DCDC1: variants seen among roughly 807,000 people sequenced by gnomAD.
DCDC1 encodes doublecortin domain-containing protein 1.
DCDC1 carries 200 observed loss-of-function variants against 178.3 expected under a neutral mutation model. The observed-to-expected ratio is 1.12, with a 90% CI of 1.00 to 1.26. The LOEUF is 1.26. Among genes scored for constraint, DCDC1 ranks in the 50% most tolerant of loss-of-function variants. The pLI, the probability that DCDC1 is intolerant of heterozygous loss-of-function variation, is 0.00. For missense variants in DCDC1, 1,983 were observed against 1,749.2 expected (o/e 1.13, Z -2.38); for synonymous variants, 690 against 604.8 (o/e 1.14, Z -2.07).
intron 9 of DCDC1, among the ~76,000 whole-genome samples, chr11:31,147,471 G>T (rs766444798): frequency 3.3e-5 from 5 of 152,108 alleles, no homozygotes; most frequent in African/African-American, 4.8e-5. Flanking sequence ...GATGCCTGGG[G>T]GCTAGTTTTG....
chr11:30,973,247 C>G (rs893118130), intron 20 of DCDC1, among the ~76,000 whole-genome samples: 1 of 141,466 alleles, frequency 7.1e-6, no homozygotes. Flanking sequence ...GCACTCCAAC[C>G]TGGGTGACAG....
chr11:30,876,802 C>T (rs560601660), intron 38 of DCDC1, among the ~76,000 whole-genome samples: 94 of 151,842 alleles, frequency 6.2e-4, no homozygotes, highest in Non-Finnish European at 1.2e-3. Context: ...GGAATGAAAA[C>T]AAAAAATTGT....
intron 9 of DCDC1, among the ~76,000 whole-genome samples, chr11:31,143,634 T>C (rs1332235589): frequency 6.6e-6 from 1 of 152,236 alleles, no homozygotes; most frequent in Admixed American, 6.5e-5. Flanking sequence ...TTACATTCCC[T>C]CAAGCTATAC....
chr11:30,893,242 C>G (rs1943934912), intron 35 of DCDC1, among the ~76,000 whole-genome samples: 1 of 152,120 alleles, frequency 6.6e-6, no homozygotes, highest in Non-Finnish European at 1.5e-5. Flanking sequence ...CTCATTTTGG[C>G]AAAGCACTTA....
At chr11:31,164,198 G>T (rs1591277687) in intron 9 of DCDC1, among the ~76,000 whole-genome samples, 2 of 152,010 alleles carry the variant, frequency 1.3e-5, no homozygotes, top group East Asian at 3.9e-4. Flanking sequence ...ACAGCATTTT[G>T]ATCAACAGAA....
intron 9 of DCDC1, among the ~76,000 whole-genome samples, chr11:31,214,630 G>T (rs974351738): frequency 3.9e-5 from 6 of 152,046 alleles, no homozygotes; most frequent in Admixed American, 3.9e-4. Context: ...AAAATAATAG[G>T]AAGTGACAGG....
intron 20 of DCDC1, among the ~76,000 whole-genome samples, chr11:30,998,909 G>A (rs1218537520): frequency 6.6e-6 from 1 of 152,052 alleles, no homozygotes; most frequent in Non-Finnish European, 1.5e-5. Context: ...AGTGATCAAG[G>A]TTAACATCAC....
intron 9 of DCDC1, among the ~76,000 whole-genome samples, chr11:31,239,747 TA>T (rs1196403202): frequency 6.6e-6 from 1 of 151,898 alleles, no homozygotes; most frequent in Non-Finnish European, 1.5e-5. Context: ...ACAGAGACAC[TA>T]AAATGTTAAA....
intron 11 of DCDC1, among the ~76,000 whole-genome samples, chr11:31,124,507 G>A (rs1961307718): frequency 6.6e-6 from 1 of 152,078 alleles, no homozygotes; most frequent in Non-Finnish European, 1.5e-5. Flanking sequence ...GAAAGCTGGA[G>A]GCATCATGCT....
At chr11:31,057,980 GA>G (rs1565230400) in intron 20 of DCDC1, among the ~76,000 whole-genome samples, 1 of 152,024 alleles carries the variant, frequency 6.6e-6, no homozygotes, top group East Asian at 1.9e-4. Flanking sequence ...TCTGTGTGGG[GA>G]CAGCTCTGTG....
At chr11:31,183,069 GCA>G (rs1237198279) in intron 9 of DCDC1, among the ~76,000 whole-genome samples, 1 of 152,154 alleles carries the variant, frequency 6.6e-6, no homozygotes, top group East Asian at 1.9e-4. Flanking sequence ...AAACATATAT[GCA>G]CCCAATACAG....
At position 31,087,105 on chromosome 11, in the gene DCDC1, G is replaced by A. The variant is rs984669410; in HGVS notation, c.2237+4288C>T. On this transcript the variant is annotated intron_variant, in intron 17 of 38. Transcript: ENST00000684477. ...TCCCATTTTTTCTTGAGTAGGCATT[G>A]GTGATTTGTGTCTTTTAAGGGAATT... Among the ~76,000 whole-genome samples the A allele has an allele frequency of 7.9e-5, 12 of 152,026 alleles. 1 individual carries two copies. Among genetic ancestry groups the A allele is most frequent in the Admixed American group, 7.9e-4 (12 of 15,262 alleles).
In DCDC1 at chr11:31,305,584, G is replaced by T. The variant is rs779167131; in HGVS notation, c.754+31C>A. On this transcript the variant is annotated intron_variant, in intron 6 of 38. Transcript: ENST00000684477. ...ACCCCTTAAGCAATTCAGTATGTGT[G>T]GGGGTAGGGTATTTTTTAGATCTTT... The T allele has an allele frequency of 3.7e-6, 6 of 1,609,642 alleles. No homozygotes were observed. In the Admixed American group the frequency reaches 1.0e-4, roughly 27 times the overall value.
At chr11:31,158,842 A>T (rs1243718919) in intron 9 of DCDC1, among the ~76,000 whole-genome samples, 1 of 152,152 alleles carries the variant, frequency 6.6e-6, no homozygotes, top group Non-Finnish European at 1.5e-5. Context: ...CTTATATCTA[A>T]ATAAGCCCCT....
At chr11:31,208,865 C>T (rs865845764) in intron 9 of DCDC1, among the ~76,000 whole-genome samples, 35 of 152,324 alleles carry the variant, frequency 2.3e-4, no homozygotes, top group African/African-American at 7.9e-4. Context: ...TCAACAAAAA[C>T]CAAACCACTA....
chr11:31,123,175 T>C (rs549795389), intron 11 of DCDC1, among the ~76,000 whole-genome samples: 1 of 152,182 alleles, frequency 6.6e-6, no homozygotes, highest in Non-Finnish European at 1.5e-5. Flanking sequence ...TTATAGTATT[T>C]GCCAATTTCT....
intron 9 of DCDC1, among the ~76,000 whole-genome samples, chr11:31,216,256 TAGAC>T (rs577278866): frequency 2.4e-3 from 364 of 152,280 alleles, no homozygotes; most frequent in African/African-American, 8.2e-3. Flanking sequence ...TAGACATGGG[TAGAC>T]AGATAGAGGA....
chr11:30,970,183 G>A (rs1949699771), intron 20 of DCDC1, among the ~76,000 whole-genome samples: 4 of 152,132 alleles, frequency 2.6e-5, no homozygotes, highest in Non-Finnish European at 4.4e-5. Flanking sequence ...CCATGGAAAA[G>A]TGCCTCAACC....
chr11:31,160,736 G>T (rs1403164845), intron 9 of DCDC1, among the ~76,000 whole-genome samples: 1 of 152,004 alleles, frequency 6.6e-6, no homozygotes, highest in Non-Finnish European at 1.5e-5. Flanking sequence ...TTAATGAAGG[G>T]CATTTCTTTA....
Sources: allele counts gnomAD v4.1 joint callset (sites outside exome capture counted in the v4.1 genomes callset), GRCh38; gene constraint gnomAD v4.1.1; transcripts MANE v1.5; gene names NCBI Gene and HGNC (gene_info 2026-07-23, HGNC 2026-07-21).